The following JAG1 variants were observed in gnomAD, a reference collection of about 807,000 sequenced individuals.
The protein encoded by JAG1 is jagged canonical Notch ligand 1, also known as protein jagged-1.
Under a neutral mutation model 148.7 loss-of-function variants are expected in JAG1, and 23 were observed. The ratio of observed to expected loss-of-function variants is 0.15; its 90% CI spans 0.11 to 0.22. JAG1 has a LOEUF of 0.22. Among genes scored for constraint, JAG1 ranks in the 10% least tolerant of loss-of-function variants. The pLI, the probability that JAG1 is intolerant of heterozygous loss-of-function variation, is 1.00. For missense variants in JAG1, 1,054 were observed against 1,611.2 expected, an observed-to-expected ratio of 0.65 and a Z score of 5.92; for synonymous variants, 572 against 598.3, an observed-to-expected ratio of 0.96 and a Z score of 0.64.
chr20:10,643,691 CT>C, intron 20 of JAG1, 86 bp downstream of exon 20: 1 of 1,021,868 alleles, frequency 9.8e-7, no homozygotes, highest in South Asian at 1.3e-5. Context: ...GGAATGGTGG[CT>C]TTGTTTTTAA....
rs538096332 is a variant in JAG1, at chr20:10,660,286, A to G, written c.440-1564T>C. Among the ~76,000 whole-genome samples the G allele has an allele frequency of 3.3e-5, 5 of 149,550 alleles. No homozygotes were observed. The South Asian group carries it at 8.7e-4, about 26-fold the overall frequency. On this transcript the variant is annotated intron_variant, in intron 3 of 25. Transcript: ENST00000254958. ...GCCTTGAACAAGCTCACATACCTGC[A>G]GCCTGACACCCCGGCACGCACTGAA...
intron 4 of JAG1, among the ~76,000 whole-genome samples, chr20:10,656,930 TG>T (rs2067383460): frequency 6.7e-6 from 1 of 148,628 alleles, no homozygotes. Context: ...GAAAATTCCA[TG>T]GGACTAACAG....
chr20:10,647,820 C>T lies in JAG1; in HGVS notation c.1720+140G>A. The T allele has an allele frequency of 6.3e-6, 6 of 949,082 alleles. No individual in the cohort carries two copies. In the South Asian group the frequency reaches 8.4e-5, roughly 13 times the overall value. The allele number at this position is 949,082 out of a possible 1,614,324, so 58.8% of individuals were successfully genotyped here. ...GATTGTTTCCACGTGTTGCGGCCCG[C>T]TACACAGGCAGGATCATTTCACTAT... On this transcript the variant is annotated intron_variant, in intron 13 of 25. Coordinates refer to ENST00000254958, the MANE Select transcript of JAG1 (RefSeq NM_000214.3).
Position 10,643,790 on chromosome 20 carries a change from C to A in JAG1, c.2446G>T (p.Asp816Tyr), listed in dbSNP as rs374941347. Residue 816 changes from aspartate (D) to tyrosine (Y), a missense_variant, in exon 20 of 26, where the codon GAC becomes TAC. This residue lies in a region of JAG1 where 342 missense variants were observed against 514.6 expected (regional missense o/e 0.66). Transcript: ENST00000254958. ...AGACAGTCCTTACTTATTCTGCAGT[C>A]GGGCCCAGCAAAACCCGGGGCACAT... is the stretch of plus-strand genomic sequence containing the variant. ...CECAPGFAGP[D>Y]CRININECQS... 6.2e-7 allele frequency: 1 copy of A among 1,613,614 alleles called. No individual in the cohort carries two copies. The highest frequency in any genetic ancestry group is 1.3e-5 in the African/African-American group (1 of 74,882).
chr20:10,642,084 T>C (rs1336346096), intron 21 of JAG1, among the ~76,000 whole-genome samples, 192 bp from the exon 22 acceptor site: 1 of 152,146 alleles, frequency 6.6e-6, no homozygotes, highest in Non-Finnish European at 1.5e-5. Flanking sequence ...CTCTGGCCAA[T>C]GTAACATTGG....
At position 10,637,700 on chromosome 20, in the gene JAG1, G is replaced by A. The variant is rs1202542657; in HGVS notation, c.*1798C>T. ...GACACTACAGGCCATTAATCCAGTG[G>A]TGTTTATTCAAGCAGTATTCACACT... On this transcript the variant is annotated 3_prime_UTR_variant, in exon 26 of 26. Transcript: ENST00000254958. The A allele has an allele frequency of 6.6e-6, 1 of 152,658 alleles. No individual in the cohort carries two copies. Among genetic ancestry groups the A allele is most frequent in the African/African-American group, 2.4e-5 (1 of 41,444 alleles). The allele number at this position is 152,658 out of a possible 1,614,324, so 9.5% of individuals were successfully genotyped here.
chr20:10,643,529 A>G lies in JAG1; in HGVS notation c.2458+249T>C, dbSNP rs184098714. On this transcript the variant is annotated intron_variant, in intron 20 of 25. Coordinates refer to ENST00000254958, the MANE Select transcript of JAG1 (RefSeq NM_000214.3). The stretch of plus-strand genomic sequence containing the variant: ...TTCAGGACCCCACTGTAGATTAATC[A>G]TCAGATTCTGTGACTGGCACTCTCT... Among the ~76,000 whole-genome samples the G allele has an allele frequency of 5.0e-3, 756 of 152,272 alleles. 4 individuals carry two copies. The highest frequency in any genetic ancestry group is 0.018 in the African/African-American group (728 of 41,524).
intron 2 of JAG1, among the ~76,000 whole-genome samples, chr20:10,665,670 C>T (rs77889659): frequency 0.073 from 11,135 of 152,150 alleles, 531 homozygotes; most frequent in Non-Finnish European, 0.11. Context: ...TTGCTGGTCA[C>T]GTTGAGGCCC....
At position 10,673,146 on chromosome 20, in the gene JAG1, G is replaced by T. The variant is rs930773670; in HGVS notation, c.82-140C>A. ...ATAATTTTGCGAAACTACGTTCAAGGACTCAACATGATTCCGGGGCAAAAA... is the reference window on the plus strand; with the variant it reads ...ATAATTTTGCGAAACTACGTTCAAGTACTCAACATGATTCCGGGGCAAAAA... On this transcript the variant is annotated intron_variant, in intron 1 of 25. Coordinates refer to ENST00000254958, the MANE Select transcript of JAG1 (RefSeq NM_000214.3). The surrounding 1 kb of genome is among the most constrained non-coding windows in gnomAD (Gnocchi z 4.7). The T allele has an allele frequency of 2.2e-5, 16 of 743,614 alleles. No homozygotes were observed. The African/African-American group carries it at 2.9e-4, about 13-fold the overall frequency. 46.1% of individuals were successfully genotyped at this position (743,614 alleles called of 1,614,324 possible). A position where few individuals can be genotyped will look rare whatever the true frequency, so the allele number is the denominator to read the frequency against.
At chr20:10,648,132 A>G (rs1043185716) in intron 12 of JAG1, 22 bp from the exon 13 acceptor site, 1 of 1,614,096 alleles carries the variant, frequency 6.2e-7, no homozygotes, top group South Asian at 1.1e-5. Context: ...AGGAACAGCG[A>G]AAAGGGGGAG....
intron 2 of JAG1, among the ~76,000 whole-genome samples, chr20:10,664,800 T>C (rs1273327236): frequency 6.6e-6 from 1 of 152,238 alleles, no homozygotes; most frequent in Non-Finnish European, 1.5e-5. Flanking sequence ...ACAAATTCCC[T>C]GGATACTGGC....
chr20:10,642,881 T>C (rs929776385), intron 20 of JAG1, among the ~76,000 whole-genome samples: 1 of 152,242 alleles, frequency 6.6e-6, no homozygotes, highest in Non-Finnish European at 1.5e-5. Flanking sequence ...ACAGCAAGCC[T>C]GGCAAAGTTT....
chr20:10,652,841 C>A, intron 5 of JAG1: 1 of 431,408 alleles, frequency 2.3e-6, no homozygotes, highest in Non-Finnish European at 4.4e-6. Context: ...CATGGGGATG[C>A]CCTTCACAAA....
chr20:10,670,860 C>T (rs969757321), intron 2 of JAG1, among the ~76,000 whole-genome samples: 2 of 152,174 alleles, frequency 1.3e-5, no homozygotes, highest in Admixed American at 6.5e-5. Flanking sequence ...AAATCAATCG[C>T]CTCTCCTACC....
intron 2 of JAG1, among the ~76,000 whole-genome samples, chr20:10,665,361 G>A (rs1217255609): frequency 1.3e-5 from 2 of 152,172 alleles, no homozygotes; most frequent in Non-Finnish European, 2.9e-5. Context: ...ATTCCATTTC[G>A]TTCACTGATA....
chr20:10,671,803 G>T (rs2067496585), intron 2 of JAG1, among the ~76,000 whole-genome samples: 1 of 152,174 alleles, frequency 6.6e-6, no homozygotes, highest in Non-Finnish European at 1.5e-5. Context: ...CTCGCTGCAG[G>T]ATCTGCCAGC....
chr20:10,646,388 CAT>C, intron 14 of JAG1: 1 of 424,546 alleles, frequency 2.4e-6, no homozygotes, highest in Admixed American at 3.5e-5. Flanking sequence ...AATGTTCCAA[CAT>C]AGATATGGAG....
chr20:10,641,420 A>C, intron 23 of JAG1, 40 bp downstream of exon 23: 1 of 1,553,610 alleles, frequency 6.4e-7, no homozygotes, highest in South Asian at 1.1e-5. Context: ...AAGCAAGCAG[A>C]CATCCACCAT....
At chr20:10,659,308 TA>T (rs2067398702) in intron 3 of JAG1, among the ~76,000 whole-genome samples, 1 of 152,246 alleles carries the variant, frequency 6.6e-6, no homozygotes, top group Non-Finnish European at 1.5e-5. Flanking sequence ...AAACCATTTA[TA>T]TTTGTTCCTG....
Sources: gnomAD v4.1 joint callset for allele counts (sites outside exome capture counted in the v4.1 genomes callset) on GRCh38, gnomAD v4.1.1 for gene constraint, gnomAD v4.1.1 regional missense constraint, Gnocchi (gnomAD v3.1) non-coding constraint, MANE v1.5 for transcripts, NCBI Gene and HGNC (gene_info 2026-07-23, HGNC 2026-07-21) for gene names.